CSMD1: variants seen among roughly 807,000 people sequenced by gnomAD.
The protein encoded by CSMD1 is CUB and sushi domain-containing protein 1.
A neutral mutation model predicts 417.5 loss-of-function variants in CSMD1; 213 were observed. That is an observed-to-expected ratio of 0.51 (90% CI 0.46 to 0.57). CSMD1 has a LOEUF of 0.57. Ranked by LOEUF, CSMD1 falls within the 20% of genes least tolerant of loss-of-function variation. The probability of loss-of-function intolerance (pLI) is 0.00; values close to 1 mark genes in which losing one functional copy is unlikely to be tolerated. For synonymous variants in CSMD1, 2,862 were observed against 1,736.8 expected (o/e 1.65, Z -16.11); for missense variants, 6,923 against 4,529.7 (o/e 1.53, Z -15.17).
chr8:3,673,754 C>A (rs1271946066), intron 7 of CSMD1, among the ~76,000 whole-genome samples: 2 of 152,240 alleles, frequency 1.3e-5, no homozygotes, highest in Non-Finnish European at 2.9e-5. Context: ...GGAGCTATTC[C>A]CTCAAGCATG....
At chr8:4,947,831 G>A (rs554722661) in intron 1 of CSMD1, among the ~76,000 whole-genome samples, 1 of 152,068 alleles carries the variant, frequency 6.6e-6, no homozygotes, top group African/African-American at 2.4e-5. Flanking sequence ...GCATATAGCT[G>A]TGTTTTATTT....
At chr8:3,419,064 T>C (rs754006398) in intron 12 of CSMD1, among the ~76,000 whole-genome samples, 42 of 152,346 alleles carry the variant, frequency 2.8e-4, no homozygotes, top group Non-Finnish European at 3.5e-4. Context: ...GCTGTGTCTG[T>C]TGCCATTGTT....
At chr8:4,671,939 G>A (rs1805356380) in intron 1 of CSMD1, among the ~76,000 whole-genome samples, 1 of 152,198 alleles carries the variant, frequency 6.6e-6, no homozygotes, top group Admixed American at 6.5e-5. Flanking sequence ...AGCTTTCTCA[G>A]TAGGGAGCAG....
chr8:4,188,625 C>G (rs1798825481), intron 3 of CSMD1, among the ~76,000 whole-genome samples: 1 of 152,076 alleles, frequency 6.6e-6, no homozygotes, highest in Non-Finnish European at 1.5e-5. Flanking sequence ...GAGTAAGATT[C>G]CCGCCTTTTA....
intron 12 of CSMD1, among the ~76,000 whole-genome samples, chr8:3,435,149 C>T (rs928077443): frequency 2.0e-5 from 3 of 152,260 alleles, no homozygotes; most frequent in East Asian, 3.9e-4. Context: ...CAGTCACTCC[C>T]CTTTGGTGAA....
At chr8:4,438,200 T>C (rs1373492707) in intron 2 of CSMD1, among the ~76,000 whole-genome samples, 1 of 152,160 alleles carries the variant, frequency 6.6e-6, no homozygotes, top group Non-Finnish European at 1.5e-5. Context: ...TTGAGATCGA[T>C]CTGCAAGAAA....
At chr8:4,274,782 C>T (rs923156938) in intron 3 of CSMD1, among the ~76,000 whole-genome samples, 2 of 152,076 alleles carry the variant, frequency 1.3e-5, no homozygotes, top group African/African-American at 4.8e-5. Flanking sequence ...AATTTTTTAT[C>T]ACTTGGAAAA....
intron 1 of CSMD1, among the ~76,000 whole-genome samples, chr8:4,825,596 CAGAAAAGAAA>C (rs201573667): frequency 4.7e-5 from 3 of 63,912 alleles, no homozygotes; most frequent in African/African-American, 1.1e-4. Context: ...TCAAAAAGCA[CAGAAAAGAAA>C]AGAAAAAGAG....
intron 1 of CSMD1, among the ~76,000 whole-genome samples, chr8:4,750,797 T>C (rs1811269934): frequency 1.3e-5 from 2 of 151,788 alleles, no homozygotes; most frequent in Non-Finnish European, 2.9e-5. Flanking sequence ...GTTTCGTTGG[T>C]TGCTTTTTTA....
At chr8:4,761,568 T>C (rs529518871) in intron 1 of CSMD1, among the ~76,000 whole-genome samples, 10 of 152,230 alleles carry the variant, frequency 6.6e-5, no homozygotes, top group South Asian at 4.2e-4. Context: ...AAATTCCTTA[T>C]GTTAACATAG....
chr8:3,864,658 C>T (rs1210321251), intron 5 of CSMD1, among the ~76,000 whole-genome samples: 1 of 151,986 alleles, frequency 6.6e-6, no homozygotes, highest in African/African-American at 2.4e-5. Flanking sequence ...GTGATGTTCC[C>T]CTGAAGAAGA....
At chr8:3,902,409 G>C (rs774254506) in intron 5 of CSMD1, among the ~76,000 whole-genome samples, 4 of 152,076 alleles carry the variant, frequency 2.6e-5, no homozygotes, top group African/African-American at 4.8e-5. Context: ...TAAGGCAGCA[G>C]TCCCCATCTT....
In CSMD1 at chr8:3,472,120, G is replaced by A. The variant is rs570608393; in HGVS notation, c.1449-3296C>T. Among the ~76,000 whole-genome samples the A allele has an allele frequency of 2.0e-5, 3 of 152,142 alleles. No homozygotes were observed. In the East Asian group the frequency reaches 5.8e-4, roughly 30 times the overall value. ...GGCTTGTTGTCATTGCTCCCTGTGG[G>A]CAATCTGATAATGCTTGTAAAGTGA... On this transcript the variant is annotated intron_variant, in intron 11 of 69. Transcript: ENST00000635120.
intron 5 of CSMD1, among the ~76,000 whole-genome samples, chr8:3,803,979 G>C (rs1800595243): frequency 6.6e-6 from 1 of 152,098 alleles, no homozygotes; most frequent in Non-Finnish European, 1.5e-5. Flanking sequence ...CCAGGCTGGA[G>C]TGCAATGGCG....
chr8:4,349,038 T>G (rs1185295244), intron 3 of CSMD1, among the ~76,000 whole-genome samples: 2 of 152,190 alleles, frequency 1.3e-5, no homozygotes, highest in Non-Finnish European at 2.9e-5. Context: ...AATCTTACAT[T>G]CTTGCTAATT....
chr8:3,616,223 C>G (rs1302955662), intron 8 of CSMD1, among the ~76,000 whole-genome samples: 2 of 152,152 alleles, frequency 1.3e-5, no homozygotes, highest in Non-Finnish European at 2.9e-5. Flanking sequence ...ATGGGAGGGA[C>G]CGGTGAGAGG....
chr8:3,759,818 G>A (rs983989060), intron 5 of CSMD1, among the ~76,000 whole-genome samples: 3 of 147,304 alleles, frequency 2.0e-5, no homozygotes, highest in Non-Finnish European at 3.0e-5. Flanking sequence ...TGAGGGAGGA[G>A]AATTGTTTGA....
intron 6 of CSMD1, among the ~76,000 whole-genome samples, chr8:3,741,900 T>C (rs943517005): frequency 1.3e-5 from 2 of 152,164 alleles, no homozygotes; most frequent in African/African-American, 4.8e-5. Context: ...ATGTGAGTCA[T>C]ATTCTGGCCC....
intron 7 of CSMD1, among the ~76,000 whole-genome samples, chr8:3,670,662 T>C (rs114492391): frequency 6.9e-6 from 1 of 144,180 alleles, no homozygotes; most frequent in Non-Finnish European, 1.5e-5. Context: ...ATACATGGGA[T>C]ATATGTACAT....
Sources: gnomAD v4.1 joint callset for allele counts (sites outside exome capture counted in the v4.1 genomes callset) on GRCh38, gnomAD v4.1.1 for gene constraint, MANE v1.5 for transcripts, NCBI Gene and HGNC (gene_info 2026-07-23, HGNC 2026-07-21) for gene names.